RBFOX1: variants seen among roughly 807,000 people sequenced by gnomAD.
RBFOX1 encodes RNA binding fox-1 homolog 1.
A neutral mutation model predicts 57.7 loss-of-function variants in RBFOX1; 8 were observed. The ratio of observed to expected loss-of-function variants is 0.14; its 90% CI spans 0.08 to 0.25. The LOEUF (loss-of-function observed/expected upper bound fraction) is 0.25. Among genes scored for constraint, RBFOX1 ranks in the 10% least tolerant of loss-of-function variants. The pLI is 1.00. For synonymous variants in RBFOX1, 326 were observed against 222.4 expected, an observed-to-expected ratio of 1.47 and a Z score of -4.15; for missense variants, 611 against 548.5, an observed-to-expected ratio of 1.11 and a Z score of -1.14.
At chr16:7,371,568 G>A (rs548512936) in intron 4 of RBFOX1, among the ~76,000 whole-genome samples, 8 of 152,110 alleles carry the variant, frequency 5.3e-5, no homozygotes, top group African/African-American at 1.7e-4. Flanking sequence ...TGGCCAACAT[G>A]GTGAAACCCT....
intron 3 of RBFOX1, among the ~76,000 whole-genome samples, chr16:5,709,827 ATATATATATATATATATTTTTTTTTTT>A (rs1390244401): frequency 2.0e-3 from 23 of 11,520 alleles, no homozygotes; most frequent in Admixed American, 3.7e-3. Flanking sequence ...ATATATATAT[ATATATATATATATATATTTTTTTTTTT>A]TTTTTTTTTT....
chr16:7,412,692 C>T (rs564055588), intron 4 of RBFOX1, among the ~76,000 whole-genome samples: 2 of 152,210 alleles, frequency 1.3e-5, no homozygotes, highest in Admixed American at 1.3e-4. Context: ...CCATGGTAAA[C>T]AGCATAAACA....
At chr16:7,041,866 C>A (rs957908177) in intron 3 of RBFOX1, among the ~76,000 whole-genome samples, 4 of 152,094 alleles carry the variant, frequency 2.6e-5, no homozygotes, top group Non-Finnish European at 5.9e-5. Context: ...CTTAGTAATT[C>A]TTATAGATTA....
intron 3 of RBFOX1, among the ~76,000 whole-genome samples, chr16:5,791,881 T>C (rs2054711336): frequency 6.6e-6 from 1 of 152,188 alleles, no homozygotes; most frequent in Non-Finnish European, 1.5e-5. Context: ...GTCACTGTCA[T>C]CCTTATGGAG....
intron 4 of RBFOX1, among the ~76,000 whole-genome samples, chr16:7,281,264 C>T (rs2095538308): frequency 6.6e-6 from 1 of 151,674 alleles, no homozygotes; most frequent in African/African-American, 2.4e-5. Context: ...CAGCCTCCCA[C>T]AGTGTTGGGA....
chr16:6,110,434 A>C (rs931813669), intron 1 of RBFOX1, among the ~76,000 whole-genome samples: 4 of 152,188 alleles, frequency 2.6e-5, no homozygotes, highest in African/African-American at 7.2e-5. Flanking sequence ...GAGAAGCAGA[A>C]TTCTGTATCC....
intron 3 of RBFOX1, 142 bp downstream of exon 3, chr16:6,654,792 T>TA (rs2098634805): frequency 1.4e-5 from 8 of 575,540 alleles, no homozygotes; most frequent in Non-Finnish European, 2.0e-5. Context: ...CAATCAGACT[T>TA]AAAAATGCTT....
At chr16:6,558,663 A>G (rs575868068) in intron 2 of RBFOX1, among the ~76,000 whole-genome samples, 1 of 152,108 alleles carries the variant, frequency 6.6e-6, no homozygotes, top group African/African-American at 2.4e-5. Context: ...AAGATGGCTA[A>G]TTAAACAAAA....
At chr16:5,511,594 C>A (rs921641237) in intron 2 of RBFOX1, among the ~76,000 whole-genome samples, 13 of 152,118 alleles carry the variant, frequency 8.5e-5, no homozygotes, top group Admixed American at 5.2e-4. Context: ...GCCTCTTTCC[C>A]CTCAATATGA....
chr16:5,802,027 C>A (rs1282434635), intron 3 of RBFOX1, among the ~76,000 whole-genome samples: 2 of 152,178 alleles, frequency 1.3e-5, no homozygotes, highest in Non-Finnish European at 1.5e-5. Context: ...GAAGAGGAGA[C>A]CTTGACGGGG....
chr16:5,255,998 C>T (rs2062582646), intron 1 of RBFOX1, among the ~76,000 whole-genome samples: 1 of 151,926 alleles, frequency 6.6e-6, no homozygotes, highest in Non-Finnish European at 1.5e-5. Flanking sequence ...GCATCATCGA[C>T]ACTCAATAGA....
intron 3 of RBFOX1, among the ~76,000 whole-genome samples, chr16:5,612,148 C>A (rs770774312): frequency 6.6e-6 from 1 of 151,692 alleles, no homozygotes; most frequent in Admixed American, 6.6e-5. Flanking sequence ...CCCATCCATA[C>A]GTCTACTCTC....
chr16:6,869,497 C>G (rs949519990), intron 3 of RBFOX1, among the ~76,000 whole-genome samples: 10 of 151,152 alleles, frequency 6.6e-5, no homozygotes, highest in African/African-American at 2.0e-4. Flanking sequence ...TGTAAATGCC[C>G]TGAGTTTTTC....
chr16:7,632,773 A>G (rs1041326056), intron 11 of RBFOX1, among the ~76,000 whole-genome samples: 7 of 152,208 alleles, frequency 4.6e-5, no homozygotes, highest in African/African-American at 1.7e-4. Flanking sequence ...TGGAACTGAG[A>G]CACTCATTTT....
chr16:7,660,838 T>G (rs1352227647), intron 12 of RBFOX1, among the ~76,000 whole-genome samples: 1 of 152,192 alleles, frequency 6.6e-6, no homozygotes, highest in African/African-American at 2.4e-5. Flanking sequence ...CACATTCAAG[T>G]TTGACCACCA....
intron 3 of RBFOX1, among the ~76,000 whole-genome samples, chr16:5,713,286 C>T (rs538216220): frequency 2.1e-4 from 32 of 151,954 alleles, no homozygotes; most frequent in Middle Eastern, 6.8e-3. Context: ...AACCTTTGAG[C>T]GATGAGGGAG....
intron 3 of RBFOX1, among the ~76,000 whole-genome samples, chr16:6,807,346 G>C (rs906330401): frequency 6.6e-6 from 1 of 152,030 alleles, no homozygotes; most frequent in Non-Finnish European, 1.5e-5. Context: ...TTGATAATGG[G>C]AATTTTGAGA....
At chr16:5,841,088 C>T (rs548755474) in intron 3 of RBFOX1, among the ~76,000 whole-genome samples, 4 of 152,186 alleles carry the variant, frequency 2.6e-5, no homozygotes, top group Admixed American at 1.3e-4. Flanking sequence ...TGGGAATAAC[C>T]GTGGTGAATA....
intron 4 of RBFOX1, among the ~76,000 whole-genome samples, chr16:7,327,391 G>A (rs1276043880): frequency 6.6e-6 from 1 of 152,198 alleles, no homozygotes. Flanking sequence ...ATTATGAAGG[G>A]CCTCAGATGC....
Sources: allele counts gnomAD v4.1 joint callset (sites outside exome capture counted in the v4.1 genomes callset), GRCh38; gene constraint gnomAD v4.1.1; transcripts MANE v1.5; gene names NCBI Gene and HGNC (gene_info 2026-07-23, HGNC 2026-07-21).